GDA: variants seen among roughly 807,000 people sequenced by gnomAD.
GDA encodes guanine deaminase, also known as cytoplasmic PSD-95 interactor.
In GDA, 18 loss-of-function variants were observed where a neutral mutation model predicts 59.6. The ratio of observed to expected loss-of-function variants is 0.30; its 90% CI spans 0.21 to 0.45. GDA has a LOEUF of 0.45. Among genes scored for constraint, GDA ranks in the 20% least tolerant of loss-of-function variants. The pLI, the probability that GDA is intolerant of heterozygous loss-of-function variation, is 1.00. For missense variants in GDA, 427 were observed against 552.3 expected, an observed-to-expected ratio of 0.77 and a Z score of 2.27; for synonymous variants, 201 against 201.1, an observed-to-expected ratio of 1.00 and a Z score of 0.00.
intron 1 of GDA, among the ~76,000 whole-genome samples, chr9:72,128,106 G>A (rs1825907065): frequency 6.6e-6 from 1 of 152,112 alleles, no homozygotes; most frequent in Non-Finnish European, 1.5e-5. Context: ...CAGAGAAAGG[G>A]CTTATGATAA....
At chr9:72,157,741 A>G (rs1828097171) in intron 1 of GDA, among the ~76,000 whole-genome samples, 1 of 152,068 alleles carries the variant, frequency 6.6e-6, no homozygotes, top group African/African-American at 2.4e-5. Context: ...ATGGCTCACT[A>G]TTGCCTCTAA....
At chr9:72,221,226 G>A (rs1370410436) in intron 6 of GDA, among the ~76,000 whole-genome samples, 1 of 152,104 alleles carries the variant, frequency 6.6e-6, no homozygotes, top group Non-Finnish European at 1.5e-5. Context: ...AATGGAATCG[G>A]CTATCACCTC....
At chr9:72,173,652 A>G (rs560207303) in intron 1 of GDA, among the ~76,000 whole-genome samples, 41 of 152,170 alleles carry the variant, frequency 2.7e-4, no homozygotes, top group African/African-American at 3.4e-4. Flanking sequence ...TTCTAAGGAC[A>G]CTTGTGATTG....
chr9:72,217,108 G>A (rs1836231617), intron 5 of GDA, among the ~76,000 whole-genome samples: 1 of 152,134 alleles, frequency 6.6e-6, no homozygotes, highest in African/African-American at 2.4e-5. Flanking sequence ...ACTTAAATCA[G>A]GTGAATTTTA....
chr9:72,133,907 A>G (rs370771837), intron 1 of GDA, among the ~76,000 whole-genome samples: 184 of 152,314 alleles, frequency 1.2e-3, no homozygotes, highest in African/African-American at 4.2e-3. Context: ...GAGCTATCAC[A>G]GGAGTGTGCT....
rs1011677001 is a variant in GDA at position 72,115,951 on chromosome 9, G to A, written c.-100+1118G>A. Among the ~76,000 whole-genome samples, 3 of 152,190 alleles carry A rather than the reference G, an allele frequency of 2.0e-5. 1 individual carries two copies. Among genetic ancestry groups the A allele is most frequent in the Admixed American group, 6.5e-5 (1 of 15,280 alleles). ...ATAATAGTAAGAGACAATAACTATTGGGCTGGGTGTGGTGGCTCACGCCTG... is the reference window on the plus strand; with the variant it reads ...ATAATAGTAAGAGACAATAACTATTAGGCTGGGTGTGGTGGCTCACGCCTG... On this transcript the variant is annotated intron_variant, in intron 1 of 13. Transcript: ENST00000545168.
At chr9:72,231,771 A>AT (rs1412027870) in intron 10 of GDA, among the ~76,000 whole-genome samples, 1 of 152,056 alleles carries the variant, frequency 6.6e-6, no homozygotes, top group Non-Finnish European at 1.5e-5. Context: ...GGATTTCTAT[A>AT]TTTTTAGTTT....
intron 12 of GDA, 102 bp from the exon 13 acceptor site, chr9:72,247,304 A>T: frequency 1.3e-6 from 1 of 798,744 alleles, no homozygotes; most frequent in Non-Finnish European, 2.3e-6. Flanking sequence ...CCATTGAGAA[A>T]CAAATTCGTA....
intron 1 of GDA, among the ~76,000 whole-genome samples, chr9:72,152,551 C>T (rs1443634149): frequency 6.6e-6 from 1 of 152,178 alleles, no homozygotes; most frequent in Non-Finnish European, 1.5e-5. Context: ...TGATGATGAG[C>T]ATTTTTTCAT....
intron 11 of GDA, 25 bp from the exon 12 acceptor site, chr9:72,245,123 C>G: frequency 6.2e-7 from 1 of 1,611,836 alleles, no homozygotes; most frequent in Non-Finnish European, 8.5e-7. Context: ...GCAATCCTGA[C>G]TGTTTATTCA....
At chr9:72,252,328 A>T (rs973309151), downstream of GDA, 11 of 152,400 alleles carry the variant, frequency 7.2e-5, no homozygotes, top group African/African-American at 2.4e-4. Flanking sequence ...GCATGAATTT[A>T]AAAAAATAGA....
chr9:72,142,337 C>T (rs1011836440), intron 1 of GDA, among the ~76,000 whole-genome samples: 8 of 151,954 alleles, frequency 5.3e-5, no homozygotes, highest in Non-Finnish European at 8.8e-5. Flanking sequence ...GGAAACTGGC[C>T]GGGTGCGGTA....
intron 1 of GDA, among the ~76,000 whole-genome samples, chr9:72,168,694 G>T (rs1192443842): frequency 6.6e-6 from 1 of 152,142 alleles, no homozygotes; most frequent in African/African-American, 2.4e-5. Flanking sequence ...AATGAAGAAT[G>T]TATAGCACTT....
At chr9:72,225,555 C>A in intron 7 of GDA, 122 bp from the exon 8 acceptor site, 1 of 612,724 alleles carries the variant, frequency 1.6e-6, no homozygotes, top group Non-Finnish European at 3.0e-6. Flanking sequence ...ATCTTCATTG[C>A]CTTTCTATGT....
chr9:72,210,834 C>A, intron 4 of GDA, 60 bp downstream of exon 4: 1 of 1,034,906 alleles, frequency 9.7e-7, no homozygotes, highest in Non-Finnish European at 1.5e-6. Context: ...ACCATCGTGG[C>A]AAACAACTTA....
chr9:72,120,208 G>A (rs1554720954), intron 1 of GDA, among the ~76,000 whole-genome samples: 1 of 131,838 alleles, frequency 7.6e-6, no homozygotes, highest in African/African-American at 2.8e-5. Context: ...TTTTTTTTGA[G>A]ATAGAGTCTC....
intron 1 of GDA, among the ~76,000 whole-genome samples, chr9:72,162,892 C>T (rs1039712621): frequency 5.9e-5 from 9 of 152,122 alleles, no homozygotes; most frequent in East Asian, 5.8e-4. Flanking sequence ...CTCCTGACCT[C>T]GTGATCCGCC....
Position 72,210,745 on chromosome 9 carries a change from A to T in GDA, c.443A>T (p.Asp148Val). The part of the protein sequence containing the change: ...TACYFATIHT[D>V]SSLLLADITD... ...TGTTACTTTGCAACAATTCACACTG[A>T]CTCATCTCTGCTCCTTGCCGACATT... The change falls in exon 4 of 14, where the codon GAC becomes GTC. Residue 148 changes from aspartate (D) to valine (V), a missense_variant. Physicochemically the swap from Asp to Val is radical, Grantham distance 152 (BLOSUM62 -3). Coordinates refer to ENST00000358399, the MANE Select transcript of GDA (RefSeq NM_004293.5). The T allele has an allele frequency of 6.2e-7, 1 of 1,610,718 alleles. No individual in the cohort carries two copies. The highest frequency in any genetic ancestry group is 2.2e-5 in the East Asian group (1 of 44,860).
At chr9:72,235,845 A>G (rs1838929742) in intron 10 of GDA, among the ~76,000 whole-genome samples, 4 of 152,238 alleles carry the variant, frequency 2.6e-5, no homozygotes, top group African/African-American at 9.6e-5. Context: ...AAAACAAAGA[A>G]AACATAGCAA....
Sources: allele counts gnomAD v4.1 joint callset (sites outside exome capture counted in the v4.1 genomes callset), GRCh38; gene constraint gnomAD v4.1.1; transcripts MANE v1.5; gene names NCBI Gene and HGNC (gene_info 2026-07-23, HGNC 2026-07-21).